GRIA1: variants seen among roughly 807,000 people sequenced by gnomAD.
GRIA1 encodes the protein glutamate receptor 1.
In GRIA1, 31 loss-of-function variants were observed where a neutral mutation model predicts 99.2. That is an observed-to-expected ratio of 0.31 (90% CI 0.23 to 0.42). The LOEUF is 0.42. GRIA1 is among the 10% of genes least tolerant of loss of function. The probability of loss-of-function intolerance (pLI) is 1.00; values close to 1 mark genes in which losing one functional copy is unlikely to be tolerated. For synonymous variants in GRIA1, 438 were observed against 432.4 expected, an observed-to-expected ratio of 1.01 and a Z score of -0.16; for missense variants, 782 against 1,157.5, an observed-to-expected ratio of 0.68 and a Z score of 4.71.
chr5:153,758,459 A>C (rs1762968618), intron 11 of GRIA1, among the ~76,000 whole-genome samples: 1 of 152,002 alleles, frequency 6.6e-6, no homozygotes, highest in African/African-American at 2.4e-5. Flanking sequence ...ATAACAAAAA[A>C]GACAAAGAAG....
At chr5:153,558,526 T>C (rs1307355736) in intron 2 of GRIA1, among the ~76,000 whole-genome samples, 1 of 152,078 alleles carries the variant, frequency 6.6e-6, no homozygotes, top group Admixed American at 6.6e-5. Context: ...TTCACTTAGA[T>C]TCATTTTGAG....
At chr5:153,707,695 C>T (rs1759014579) in intron 11 of GRIA1, among the ~76,000 whole-genome samples, 1 of 152,138 alleles carries the variant, frequency 6.6e-6, no homozygotes, top group African/African-American at 2.4e-5. Flanking sequence ...GACCAATATT[C>T]CTAAGCGGCA....
intron 2 of GRIA1, among the ~76,000 whole-genome samples, chr5:153,633,292 A>G (rs545681362): frequency 6.6e-6 from 1 of 152,238 alleles, no homozygotes; most frequent in Admixed American, 6.5e-5. Flanking sequence ...ATTAATTTGA[A>G]TCTCAGCCTT....
At chr5:153,783,741 A>G (rs1764788145) in intron 13 of GRIA1, among the ~76,000 whole-genome samples, 1 of 152,236 alleles carries the variant, frequency 6.6e-6, no homozygotes, top group Non-Finnish European at 1.5e-5. Flanking sequence ...TGAAGCAGCT[A>G]CTGTGTTAGC....
At chr5:153,775,431 C>T (rs1047549131) in intron 13 of GRIA1, among the ~76,000 whole-genome samples, 13 of 152,148 alleles carry the variant, frequency 8.5e-5, no homozygotes, top group African/African-American at 2.9e-4. Context: ...GTGATCATGA[C>T]ATGTTTGTCT....
chr5:153,719,301 A>AAAC (rs1759883479), intron 11 of GRIA1, among the ~76,000 whole-genome samples: 1 of 152,082 alleles, frequency 6.6e-6, no homozygotes, highest in African/African-American at 2.4e-5. Flanking sequence ...AAACCACTCC[A>AAAC]AACTCATGAC....
intron 2 of GRIA1, among the ~76,000 whole-genome samples, chr5:153,510,450 C>T (rs1277390480): frequency 6.6e-6 from 1 of 152,090 alleles, no homozygotes; most frequent in Non-Finnish European, 1.5e-5. Flanking sequence ...GTAAATCCAG[C>T]GGGCATTGTG....
At chr5:153,692,680 C>T (rs1757846419) in intron 8 of GRIA1, among the ~76,000 whole-genome samples, 1 of 152,168 alleles carries the variant, frequency 6.6e-6, no homozygotes, top group South Asian at 2.1e-4. Flanking sequence ...CTTCATACTT[C>T]TCTACCTCCT....
intron 2 of GRIA1, among the ~76,000 whole-genome samples, chr5:153,585,289 T>TTC (rs1181915961): frequency 1.5e-4 from 22 of 145,924 alleles, no homozygotes; most frequent in African/African-American, 3.0e-4. Context: ...TTTCTTTTCT[T>TTC]TCTCTCTCTC....
chr5:153,730,429 CAG>C (rs2149557195), intron 11 of GRIA1, among the ~76,000 whole-genome samples: 2 of 152,052 alleles, frequency 1.3e-5, no homozygotes, highest in East Asian at 3.9e-4. Flanking sequence ...TAGCATGTAA[CAG>C]TACATTTTTA....
At chr5:153,699,687 G>GT (rs907886830) in intron 10 of GRIA1, among the ~76,000 whole-genome samples, 4 of 151,792 alleles carry the variant, frequency 2.6e-5, no homozygotes, top group Admixed American at 1.3e-4. Context: ...TTAGTTGCTG[G>GT]TTTTTTTTAA....
intron 2 of GRIA1, among the ~76,000 whole-genome samples, chr5:153,519,641 C>A (rs1756956783): frequency 6.6e-6 from 1 of 151,996 alleles, no homozygotes; most frequent in African/African-American, 2.4e-5. Context: ...AGACAGCTGA[C>A]CTGAAGGGCA....
At chr5:153,620,360 T>C (rs1276282864) in intron 2 of GRIA1, among the ~76,000 whole-genome samples, 1 of 151,878 alleles carries the variant, frequency 6.6e-6, no homozygotes, top group Non-Finnish European at 1.5e-5. Context: ...CTTGAGACAA[T>C]GCGACAAGCA....
intron 2 of GRIA1, among the ~76,000 whole-genome samples, chr5:153,499,960 A>G (rs1754830247): frequency 6.6e-6 from 1 of 152,166 alleles, no homozygotes; most frequent in South Asian, 2.1e-4. Context: ...GCACCACACT[A>G]TGTTCTCAGC....
intron 11 of GRIA1, among the ~76,000 whole-genome samples, chr5:153,750,030 C>T (rs1443862104): frequency 4.6e-5 from 7 of 152,152 alleles, no homozygotes; most frequent in Middle Eastern, 3.4e-3. Flanking sequence ...ACACAGTGAC[C>T]GGCAGCTGGG....
intron 7 of GRIA1, among the ~76,000 whole-genome samples, chr5:153,679,760 C>T (rs191840779): frequency 6.6e-6 from 1 of 152,204 alleles, no homozygotes; most frequent in Non-Finnish European, 1.5e-5. Flanking sequence ...TCACCTCTGG[C>T]CTTCAGGTCA....
At chr5:153,691,817 C>G (rs1353651066) in intron 8 of GRIA1, among the ~76,000 whole-genome samples, 2 of 152,162 alleles carry the variant, frequency 1.3e-5, no homozygotes, top group African/African-American at 2.4e-5. Flanking sequence ...AGTCACGAGT[C>G]CTGCTATGTT....
intron 2 of GRIA1, among the ~76,000 whole-genome samples, chr5:153,548,962 A>T (rs1345151122): frequency 7.3e-6 from 1 of 136,102 alleles, no homozygotes; most frequent in African/African-American, 2.4e-5. Context: ...GTAATATATC[A>T]TAATGTGTTC....
intron 12 of GRIA1, among the ~76,000 whole-genome samples, chr5:153,767,661 T>A (rs902649259): frequency 6.7e-6 from 1 of 150,166 alleles, no homozygotes; most frequent in Non-Finnish European, 1.5e-5. Flanking sequence ...CAAGAATTCT[T>A]CTACTCCAGT....
Sources: allele counts gnomAD v4.1 joint callset (sites outside exome capture counted in the v4.1 genomes callset), GRCh38; gene constraint gnomAD v4.1.1; transcripts MANE v1.5; gene names NCBI Gene and HGNC (gene_info 2026-07-23, HGNC 2026-07-21).